RASGEF1B: variants seen among roughly 807,000 people sequenced by gnomAD.
RASGEF1B encodes RasGEF domain family member 1B.
RASGEF1B carries 30 observed loss-of-function variants against 65.7 expected under a neutral mutation model. The observed-to-expected ratio is 0.46, with a 90% CI of 0.34 to 0.62. The LOEUF (loss-of-function observed/expected upper bound fraction) is 0.62. Ranked by LOEUF, RASGEF1B falls within the 20% of genes least tolerant of loss-of-function variation. RASGEF1B has a pLI of 0.01. For missense variants in RASGEF1B, 495 were observed against 580.1 expected, an observed-to-expected ratio of 0.85 and a Z score of 1.51; for synonymous variants, 175 against 194.8, an observed-to-expected ratio of 0.90 and a Z score of 0.85.
At chr4:81,453,158 A>G (rs1164564107) in intron 4 of RASGEF1B, 1 of 152,170 alleles carries the variant, frequency 6.6e-6, no homozygotes, top group Non-Finnish European at 1.5e-5. Context: ...TACTGAGAGA[A>G]TACTAGGTGC....
rs920865426 is a variant in RASGEF1B, at chr4:81,471,772, G to T, written c.-9C>A. ...AACCCAGCCAGGGAACAACCTACCTGCAGGTGAACTCCGAGTCCTCGGCCT... is the reference window on the plus strand; with the variant it reads ...AACCCAGCCAGGGAACAACCTACCTTCAGGTGAACTCCGAGTCCTCGGCCT... On this transcript the variant is annotated splice_region_variant and 5_prime_UTR_variant, in exon 1 of 14. Coordinates refer to ENST00000264400, the MANE Select transcript of RASGEF1B (RefSeq NM_152545.3). 6.5e-6 allele frequency: 1 copy of T among 152,734 alleles called. No individual in the cohort carries two copies. The highest frequency in any genetic ancestry group is 1.5e-5 in the Non-Finnish European group (1 of 68,110). The allele number at this position is 152,734 out of a possible 1,614,324, so 9.5% of individuals were successfully genotyped here.
intron 10 of RASGEF1B, among the ~76,000 whole-genome samples, chr4:81,435,652 T>G (rs1389641689): frequency 1.4e-5 from 2 of 139,562 alleles, no homozygotes; most frequent in East Asian, 2.1e-4. Flanking sequence ...TTTTTTGTAT[T>G]TTTTAGTAGA....
At chr4:81,448,951 A>G (rs562217814) in intron 4 of RASGEF1B, among the ~76,000 whole-genome samples, 2 of 152,144 alleles carry the variant, frequency 1.3e-5, no homozygotes, top group East Asian at 3.9e-4. Context: ...AGTAGCTGGG[A>G]TTACAGGCAT....
chr4:81,432,771 G>T (rs1326304705), intron 12 of RASGEF1B, among the ~76,000 whole-genome samples: 1 of 151,654 alleles, frequency 6.6e-6, no homozygotes, highest in Admixed American at 6.6e-5. Context: ...TAGGTAAAAA[G>T]CCTAGGTAAA....
chr4:81,428,679 A>T (rs1172745232), intron 13 of RASGEF1B, among the ~76,000 whole-genome samples: 1 of 152,222 alleles, frequency 6.6e-6, no homozygotes, highest in Non-Finnish European at 1.5e-5. Flanking sequence ...TTATCTATTT[A>T]TTATTTTGAG....
At chr4:81,451,689 C>T (rs1203464712) in intron 4 of RASGEF1B, 1 of 151,998 alleles carries the variant, frequency 6.6e-6, no homozygotes. Flanking sequence ...TAAAATTTTC[C>T]CACAGAATGG....
chr4:81,441,010 C>A, intron 9 of RASGEF1B, 81 bp from the exon 10 acceptor site: 1 of 916,724 alleles, frequency 1.1e-6, no homozygotes, highest in Non-Finnish European at 1.7e-6. Context: ...ACATATTTAG[C>A]TATATACAAA....
chr4:81,435,538 T>G (rs530622272), intron 10 of RASGEF1B, among the ~76,000 whole-genome samples: 54 of 130,250 alleles, frequency 4.1e-4, no homozygotes, highest in African/African-American at 1.3e-3. Flanking sequence ...GTGCGATCTC[T>G]GCTCACTGCA....
chr4:81,464,753 C>G (rs749669634), intron 1 of RASGEF1B, among the ~76,000 whole-genome samples: 4 of 152,168 alleles, frequency 2.6e-5, no homozygotes, highest in African/African-American at 9.7e-5. Context: ...TGACAGTAAC[C>G]TTGGTCTAAC....
At chr4:81,447,605 A>C (rs778117911) in intron 5 of RASGEF1B, 27 bp from the exon 6 acceptor site, 72 of 1,575,890 alleles carry the variant, frequency 4.6e-5, no homozygotes, top group Middle Eastern at 1.7e-4. Flanking sequence ...GAAGGTCAAC[A>C]GTATTAAAGA....
chr4:81,442,422 G>C (rs767084398), intron 8 of RASGEF1B, 46 bp from the exon 9 acceptor site: 9 of 1,100,742 alleles, frequency 8.2e-6, no homozygotes, highest in South Asian at 3.8e-5. Context: ...AATTGAAAGA[G>C]AGAAATAAGA....
chr4:81,466,221 T>C (rs1222194535), intron 1 of RASGEF1B, among the ~76,000 whole-genome samples: 1 of 152,212 alleles, frequency 6.6e-6, no homozygotes, highest in Non-Finnish European at 1.5e-5. Flanking sequence ...GTGAGATTCA[T>C]CTTCAACAAC....
intron 1 of RASGEF1B, among the ~76,000 whole-genome samples, chr4:81,460,491 G>T (rs1243117622): frequency 2.6e-5 from 4 of 152,184 alleles, no homozygotes; most frequent in Non-Finnish European, 4.4e-5. Flanking sequence ...CAGGGACAGG[G>T]TGTGTGGAGG....
chr4:81,447,968 T>A lies in RASGEF1B; in HGVS notation c.654+101A>T, dbSNP rs925967374. On this transcript the variant is annotated intron_variant, in intron 5 of 13. Coordinates refer to ENST00000264400, the MANE Select transcript of RASGEF1B (RefSeq NM_152545.3). ...TCAGATGATTTCCCACTTGGATTAT[T>A]CTGACCTCTCCTGTGACATTACCGC... 4 of 956,146 alleles carry A rather than the reference T, an allele frequency of 4.2e-6. No homozygotes were observed. The Admixed American group carries it at 7.6e-5, about 18-fold the overall frequency. 59.2% of individuals were successfully genotyped at this position (956,146 alleles called of 1,614,324 possible).
intron 4 of RASGEF1B, chr4:81,454,039 G>C (rs1017644096): frequency 6.6e-6 from 1 of 152,152 alleles, no homozygotes; most frequent in African/African-American, 2.4e-5. Context: ...GAACTGGCTT[G>C]TCTTCTTATC....
At chr4:81,444,290 T>C (rs575410484) in intron 8 of RASGEF1B, among the ~76,000 whole-genome samples, 1 of 152,362 alleles carries the variant, frequency 6.6e-6, no homozygotes, top group African/African-American at 2.4e-5. Context: ...TTATCTAGAC[T>C]GTGGGCCTTT....
chr4:81,429,079 C>G, intron 13 of RASGEF1B, among the ~76,000 whole-genome samples: 1 of 152,228 alleles, frequency 6.6e-6, no homozygotes, highest in East Asian at 1.9e-4. Context: ...TAGGGGAAGA[C>G]CCTGTGCTTG....
chr4:81,432,409 C>G (rs1260624616), intron 12 of RASGEF1B, 38 bp from the exon 13 acceptor site: 1 of 1,328,956 alleles, frequency 7.5e-7, no homozygotes, highest in Admixed American at 1.7e-5. Flanking sequence ...AACATTAAAG[C>G]CTTCTCCTGA....
chr4:81,464,274 A>G (rs1037462138), intron 1 of RASGEF1B, among the ~76,000 whole-genome samples: 1 of 152,188 alleles, frequency 6.6e-6, no homozygotes, highest in African/African-American at 2.4e-5. Flanking sequence ...CTAACAAAAA[A>G]TTTTGTTTAG....
Sources: allele counts gnomAD v4.1 joint callset (sites outside exome capture counted in the v4.1 genomes callset), GRCh38; gene constraint gnomAD v4.1.1; transcripts MANE v1.5; gene names NCBI Gene and HGNC (gene_info 2026-07-23, HGNC 2026-07-21).